Variants in AZIN2 observed in about 807,000 individuals in gnomAD.
The protein encoded by AZIN2 is antizyme inhibitor 2.
AZIN2 carries 28 observed loss-of-function variants against 47.8 expected under a neutral mutation model. That is an observed-to-expected ratio of 0.59 (90% CI 0.43 to 0.80). The LOEUF is 0.80. Among genes scored for constraint, AZIN2 ranks in the 30% least tolerant of loss-of-function variants. AZIN2 has a pLI of 0.00. For missense variants in AZIN2, 535 were observed against 582.5 expected (o/e 0.92, Z 0.84); for synonymous variants, 221 against 239.4 (o/e 0.92, Z 0.71).
At chr1:33,136,112 G>GCCCT in the AZIN2 span, among the ~76,000 whole-genome samples, 30 of 136,258 alleles carry the variant, frequency 2.2e-4, no homozygotes, top group South Asian at 5.0e-3. Context: ...CCAGGGGCCA[G>GCCCT]CCCTTCCTTC....
At chr1:33,089,387 C>T (rs1294536122) in intron 5 of AZIN2, among the ~76,000 whole-genome samples, 1 of 152,142 alleles carries the variant, frequency 6.6e-6, no homozygotes, top group Non-Finnish European at 1.5e-5. Context: ...TGCTTGAGCC[C>T]AGGAGTTCGA....
At chr1:33,166,663 C>T in the AZIN2 span, among the ~76,000 whole-genome samples, 5 of 152,186 alleles carry the variant, frequency 3.3e-5, no homozygotes, top group African/African-American at 7.2e-5. Context: ...GGAACCCGGA[C>T]AGCCTGGTTG....
chr1:33,136,903 A>G, the AZIN2 span, among the ~76,000 whole-genome samples: 1 of 151,738 alleles, frequency 6.6e-6, no homozygotes, highest in Non-Finnish European at 1.5e-5. Context: ...AGGCTGAGAC[A>G]GGATAATTGC....
At position 33,120,029 on chromosome 1, in the gene AZIN2, CT is replaced by C. The variant is rs748214120; in HGVS notation, c.1245-14del. The C allele has an allele frequency of 1.2e-6, 2 of 1,613,170 alleles. No individual in the cohort carries two copies. Among genetic ancestry groups the C allele is most frequent in the Non-Finnish European group, 1.7e-6 (2 of 1,179,778 alleles). ...CCCATGCTGGCTACTTGCAGCACCC[CT>C]CTCTCACCCCTAGGGAAGCGCTGCG... On this transcript the variant is annotated splice_polypyrimidine_tract_variant and intron_variant, in intron 11 of 11. Coordinates refer to ENST00000294517, the MANE Select transcript of AZIN2 (RefSeq NM_052998.4).
chr1:33,159,287 A>G, the AZIN2 span, among the ~76,000 whole-genome samples: 3 of 152,104 alleles, frequency 2.0e-5, no homozygotes, highest in Non-Finnish European at 4.4e-5. This position sits in a 1 kb window ranked among gnomAD's most constrained non-coding sequence, Gnocchi z 4.2. Context: ...TATGTAATAT[A>G]TTTATATTAT....
intron 5 of AZIN2, among the ~76,000 whole-genome samples, chr1:33,088,477 C>G (rs1220832385): frequency 6.6e-6 from 1 of 152,222 alleles, no homozygotes; most frequent in Non-Finnish European, 1.5e-5. Context: ...TTCAGGTAGC[C>G]AGATAGACAT....
At chr1:33,160,690 C>G in the AZIN2 span, among the ~76,000 whole-genome samples, 197 of 152,280 alleles carry the variant, frequency 1.3e-3, no homozygotes, top group African/African-American at 4.0e-3. Context: ...CAGGCGTGAG[C>G]CATCGTGCCC....
chr1:33,149,572 A>G, the AZIN2 span, among the ~76,000 whole-genome samples: 1 of 152,078 alleles, frequency 6.6e-6, no homozygotes, highest in Non-Finnish European at 1.5e-5. Flanking sequence ...CTCCTGCTTC[A>G]GCCTCTTGAG....
intron 10 of AZIN2, among the ~76,000 whole-genome samples, chr1:33,103,233 C>G (rs931458394): frequency 3.9e-5 from 6 of 152,148 alleles, no homozygotes; most frequent in Admixed American, 6.5e-5. Flanking sequence ...CCATTGCTCT[C>G]AGAATAAAAC....
intron 5 of AZIN2, among the ~76,000 whole-genome samples, chr1:33,091,280 C>A (rs1642517541): frequency 6.6e-6 from 1 of 152,174 alleles, no homozygotes; most frequent in African/African-American, 2.4e-5. Context: ...GGCTCTGTCA[C>A]CCAGGCTAGA....
the AZIN2 span, among the ~76,000 whole-genome samples, chr1:33,149,458 TA>T: frequency 5.9e-4 from 87 of 146,416 alleles, no homozygotes; most frequent in East Asian, 1.0e-3. Flanking sequence ...TGGATTCTTT[TA>T]AAAAAAAAAA....
chr1:33,110,340 A>G (rs1410726363), intron 10 of AZIN2, among the ~76,000 whole-genome samples: 2 of 152,228 alleles, frequency 1.3e-5, no homozygotes, highest in African/African-American at 4.8e-5. Flanking sequence ...TTCAAAGTAC[A>G]TGAGCTCACA....
intron 4 of AZIN2, chr1:33,083,664 T>G: frequency 2.2e-6 from 1 of 464,380 alleles, no homozygotes; most frequent in South Asian, 2.2e-5. Context: ...GGGAGGGTAT[T>G]CTGCAGGACA....
chr1:33,122,237 C>T lies in AZIN2; in HGVS notation c.*2055C>T, dbSNP rs997660529. ...CCTGGGAAGATCTCATGGCTGGCTA[C>T]AGTGAGACCCAGGTGTAGCTGATTC... On this transcript the variant is annotated 3_prime_UTR_variant, in exon 12 of 12. Transcript: ENST00000294517. Among the ~76,000 whole-genome samples, 2 of 152,198 alleles carry T rather than the reference C, an allele frequency of 1.3e-5. No homozygotes were observed. Among genetic ancestry groups the T allele is most frequent in the Non-Finnish European group, 2.9e-5 (2 of 68,026 alleles).
At chr1:33,128,691 A>G in the AZIN2 span, among the ~76,000 whole-genome samples, 5 of 152,290 alleles carry the variant, frequency 3.3e-5, no homozygotes, top group African/African-American at 1.2e-4. Context: ...CTCTCTGGGC[A>G]TTTTTGTAAT....
chr1:33,144,155 T>C, the AZIN2 span, among the ~76,000 whole-genome samples: 4 of 148,330 alleles, frequency 2.7e-5, no homozygotes, highest in Non-Finnish European at 6.0e-5. Flanking sequence ...TTTTTTTTTT[T>C]GAGACGGAGT....
At chr1:33,102,421 G>A (rs924196280) in intron 10 of AZIN2, among the ~76,000 whole-genome samples, 20 of 152,048 alleles carry the variant, frequency 1.3e-4, no homozygotes, top group African/African-American at 3.9e-4. Context: ...AACCTCTCCA[G>A]TCAGGTACCT....
chr1:33,134,374 C>T, the AZIN2 span, among the ~76,000 whole-genome samples: 1 of 152,224 alleles, frequency 6.6e-6, no homozygotes, highest in Non-Finnish European at 1.5e-5. Context: ...GAATTAAGTG[C>T]AGGTGGACTC....
chr1:33,094,201 C>G (rs896970152), intron 7 of AZIN2, among the ~76,000 whole-genome samples: 1 of 152,178 alleles, frequency 6.6e-6, no homozygotes, highest in African/African-American at 2.4e-5. Context: ...GTCTTGTCCC[C>G]GCATTATAGG....
Sources: gnomAD v4.1 joint callset for allele counts (sites outside exome capture counted in the v4.1 genomes callset) on GRCh38, gnomAD v4.1.1 for gene constraint, Gnocchi (gnomAD v3.1) non-coding constraint, MANE v1.5 for transcripts, NCBI Gene and HGNC (gene_info 2026-07-23, HGNC 2026-07-21) for gene names.